Variants in ABLIM2 observed in about 807,000 individuals in gnomAD.
ABLIM2 encodes the protein actin binding LIM protein family member 2.
A neutral mutation model predicts 97.7 loss-of-function variants in ABLIM2; 53 were observed. The ratio of observed to expected loss-of-function variants is 0.54; its 90% CI spans 0.44 to 0.68. The LOEUF (loss-of-function observed/expected upper bound fraction) is 0.68, where lower values mean the gene tolerates loss of function less well. Ranked by LOEUF, ABLIM2 falls within the 30% of genes least tolerant of loss-of-function variation. ABLIM2 has a pLI of 0.00. For missense variants in ABLIM2, 835 were observed against 867.2 expected, an observed-to-expected ratio of 0.96 and a Z score of 0.47; for synonymous variants, 361 against 345.8, an observed-to-expected ratio of 1.04 and a Z score of -0.49.
rs543873790 is a variant in ABLIM2, at chr4:7,987,795, C to T, written c.1681-2902G>A. On this transcript the variant is annotated intron_variant, in intron 17 of 20. Coordinates refer to ENST00000447017, the MANE Select transcript of ABLIM2 (RefSeq NM_001130083.2). ...GAGCAGGGAAAGTGGGGTCTACTTC[C>T]GGTCTTGTAAGTGCGAAGTGGGGAT... Among the ~76,000 whole-genome samples the T allele has an allele frequency of 7.2e-5, 11 of 152,248 alleles. No homozygotes were observed. The South Asian group carries it at 8.3e-4, about 11-fold the overall frequency.
intron 20 of ABLIM2, among the ~76,000 whole-genome samples, chr4:7,980,145 C>T (rs558817771): frequency 1.4e-4 from 22 of 152,186 alleles, no homozygotes; most frequent in African/African-American, 5.3e-4. Context: ...GGAATGAACC[C>T]CCCCTCTCTG....
intron 3 of ABLIM2, among the ~76,000 whole-genome samples, chr4:8,091,166 T>C (rs923324973): frequency 6.8e-6 from 1 of 148,144 alleles, no homozygotes; most frequent in Admixed American, 7.1e-5. Context: ...GTTTTAGTCG[T>C]TCTCATGGAG....
Position 8,127,511 on chromosome 4 carries a change from G to T in ABLIM2, c.11-20874C>A. ...CTCATGGAGCTCACGGCTCCCAGCC[G>T]GATGGTCTGGGCAAAAGCGCAGTTT... is the stretch of plus-strand genomic sequence containing the variant. On this transcript the variant is annotated intron_variant, in intron 1 of 20. Transcript: ENST00000447017. This position sits in a 1 kb window ranked among gnomAD's most constrained non-coding sequence, Gnocchi z 7.3. The T allele has an allele frequency of 7.8e-7, 1 of 1,289,598 alleles. No individual in the cohort carries two copies. The highest frequency in any genetic ancestry group is 5.6e-5 in the East Asian group (1 of 18,008). The allele number at this position is 1,289,598 out of a possible 1,614,324, so 79.9% of individuals were successfully genotyped here. A position where few individuals can be genotyped will look rare whatever the true frequency, so the allele number is the denominator to read the frequency against.
Position 8,158,796 on chromosome 4 carries a change from C to T in ABLIM2, c.-107G>A, listed in dbSNP as rs1399816408. 2.8e-6 allele frequency: 3 copies of T among 1,067,106 alleles called. No homozygotes were observed. Among genetic ancestry groups the T allele is most frequent in the Non-Finnish European group, 3.5e-6 (3 of 846,766 alleles). 66.1% of individuals were successfully genotyped at this position (1,067,106 alleles called of 1,614,324 possible). ...CCTCCGCCCGCCCGCCGGCTCCGCG[C>T]CCGCTCCTTGCGCACACGCCAGGCA... On this transcript the variant is annotated 5_prime_UTR_variant, in exon 1 of 21. Coordinates refer to ENST00000447017, the MANE Select transcript of ABLIM2 (RefSeq NM_001130083.2).
rs1726605266 is a variant in ABLIM2, at chr4:7,970,162, G to A, written c.1825-3059C>T. ...AGACATGGAAAGTCAGAGACACAAG[G>A]CCCCTGGCAGGGGTAGGCTGGGGTG... On this transcript the variant is annotated intron_variant, in intron 20 of 20. Transcript: ENST00000447017. The surrounding 1 kb of genome is among the most constrained non-coding windows in gnomAD (Gnocchi z 5.3). Among the ~76,000 whole-genome samples, 1 of 152,210 alleles carries A rather than the reference G, an allele frequency of 6.6e-6. No individual in the cohort carries two copies. The highest frequency in any genetic ancestry group is 2.4e-5 in the African/African-American group (1 of 41,458).
chr4:7,976,709 G>A (rs528898134), intron 20 of ABLIM2, among the ~76,000 whole-genome samples: 2 of 150,924 alleles, frequency 1.3e-5, no homozygotes, highest in South Asian at 2.1e-4. Context: ...GCACACACAC[G>A]TATATCCATA....
chr4:8,055,798 A>G (rs1798716681), intron 7 of ABLIM2, among the ~76,000 whole-genome samples: 1 of 152,208 alleles, frequency 6.6e-6, no homozygotes. Flanking sequence ...TTGTTTATAA[A>G]TTAAAAATAA....
intron 9 of ABLIM2, 109 bp from the exon 10 acceptor site, chr4:8,036,404 GC>G: frequency 7.4e-7 from 1 of 1,353,418 alleles, no homozygotes; most frequent in Non-Finnish European, 1.0e-6. Flanking sequence ...AAAGCCAGAT[GC>G]ATCCCACAGG....
At chr4:7,971,306 A>G (rs2149382068) in intron 20 of ABLIM2, among the ~76,000 whole-genome samples, 2 of 152,288 alleles carry the variant, frequency 1.3e-5, no homozygotes, top group South Asian at 4.1e-4. Context: ...CTCTGACCCC[A>G]GGTTCCTGAA....
chr4:8,029,096 C>T (rs1043449152), intron 11 of ABLIM2, among the ~76,000 whole-genome samples: 1 of 152,110 alleles, frequency 6.6e-6, no homozygotes, highest in Non-Finnish European at 1.5e-5. Context: ...CAAGGTGACA[C>T]GTGTGGAAAG....
At position 8,061,032 on chromosome 4, in the gene ABLIM2, G is replaced by A; in HGVS notation, c.698C>T (p.Pro233Leu). 1 of 1,596,100 alleles carries A rather than the reference G, an allele frequency of 6.3e-7. No individual in the cohort carries two copies. Among genetic ancestry groups the A allele is most frequent in the Non-Finnish European group, 8.5e-7 (1 of 1,171,230 alleles). Residue 233 changes from proline to leucine, a missense_variant, in exon 7 of 21, where the codon CCT (proline) becomes CTT (leucine). Transcript: ENST00000447017. The surrounding 1 kb of genome is among the most constrained non-coding windows in gnomAD (Gnocchi z 4.5). ...GCACCTGACACATAGCGCGCAGGAA[G>A]GGTGGTAGTGCTTCTCTCCGGCCTG... ...VLEAGEKHYH[P>L]SCALCVRCGQ...
At position 8,099,360 on chromosome 4, in the gene ABLIM2, G is replaced by A. The variant is rs185765464; in HGVS notation, c.155-2078C>T. ...TCTGTATTTCTCTATTCTTCTTAAA[G>A]ACGTGACGGCGTGAGCTGTTCCTTG... On this transcript the variant is annotated intron_variant, in intron 2 of 20. Coordinates refer to ENST00000447017, the MANE Select transcript of ABLIM2 (RefSeq NM_001130083.2). Among the ~76,000 whole-genome samples the A allele has an allele frequency of 4.9e-3, 743 of 152,294 alleles. 3 individuals carry two copies. Among genetic ancestry groups the A allele is most frequent in the Non-Finnish European group, 7.4e-3 (505 of 68,014 alleles).
rs1490156719 is a variant in ABLIM2, at chr4:8,068,903, A to T, written c.676-7849T>A. On this transcript the variant is annotated intron_variant, in intron 6 of 20. Transcript: ENST00000447017. The surrounding 1 kb of genome is among the most constrained non-coding windows in gnomAD (Gnocchi z 4.5). The stretch of plus-strand genomic sequence containing the variant: ...ACAAAATGAAATTTACAAAGAAACA[A>T]ATGAAAGCTGTGAGCAGGGGATCCC... 6.6e-6 allele frequency among the ~76,000 whole-genome samples: 1 copy of T among 152,260 alleles called. No individual in the cohort carries two copies. The highest frequency in any genetic ancestry group is 1.5e-5 in the Non-Finnish European group (1 of 68,042).
chr4:7,965,790 T>G lies in ABLIM2; in HGVS notation c.*1200A>C, dbSNP rs1722739107. 1 of 134,922 alleles carries G rather than the reference T, an allele frequency of 7.4e-6. No individual in the cohort carries two copies. The highest frequency in any genetic ancestry group is 2.8e-5 in the African/African-American group (1 of 36,228). The allele number at this position is 134,922 out of a possible 1,614,324, so 8.4% of individuals were successfully genotyped here. Reference sequence around the variant, plus strand: ...GATGAGAAGAGCCACATCTCCATCCTATCTCCATCCTATCTCCATCCTTCT... The same window carrying G: ...GATGAGAAGAGCCACATCTCCATCCGATCTCCATCCTATCTCCATCCTTCT... On this transcript the variant is annotated 3_prime_UTR_variant, in exon 21 of 21. Transcript: ENST00000447017.
At chr4:8,116,495 C>G (rs762701881) in intron 1 of ABLIM2, among the ~76,000 whole-genome samples, 16 of 152,270 alleles carry the variant, frequency 1.1e-4, no homozygotes, top group Non-Finnish European at 1.8e-4. Flanking sequence ...ACTTGGGGAC[C>G]CTGGGGATTT....
At chr4:8,010,385 G>A (rs975792888) in intron 14 of ABLIM2, 15 of 985,726 alleles carry the variant, frequency 1.5e-5, no homozygotes, top group Non-Finnish European at 1.7e-5. Flanking sequence ...AGCCCGCCAC[G>A]AAGACCCAGG....
chr4:7,983,526 T>A (rs369579061), intron 19 of ABLIM2, 21 bp downstream of exon 19: 1 of 1,612,880 alleles, frequency 6.2e-7, no homozygotes, highest in Non-Finnish European at 8.5e-7. Context: ...CGGAGGTCAG[T>A]GTGGGAGCGG....
intron 1 of ABLIM2, among the ~76,000 whole-genome samples, chr4:8,118,497 G>A (rs1169757237): frequency 6.6e-6 from 1 of 152,202 alleles, no homozygotes; most frequent in Admixed American, 6.5e-5. Context: ...TCTCCAAGTT[G>A]GCAAGGTGGC....
At chr4:8,105,304 A>G (rs1836750821) in intron 2 of ABLIM2, among the ~76,000 whole-genome samples, 1 of 152,206 alleles carries the variant, frequency 6.6e-6, no homozygotes, top group Non-Finnish European at 1.5e-5. Flanking sequence ...TTTTTACTAT[A>G]AAAAGCCACC....
Sources: allele counts gnomAD v4.1 joint callset (sites outside exome capture counted in the v4.1 genomes callset), GRCh38; gene constraint gnomAD v4.1.1; non-coding constraint Gnocchi (gnomAD v3.1); transcripts MANE v1.5; gene names NCBI Gene and HGNC (gene_info 2026-07-23, HGNC 2026-07-21).